Variants in ZFHX4 observed in about 807,000 individuals in gnomAD.
ZFHX4 encodes the protein zinc finger homeobox 4.
In ZFHX4, 56 loss-of-function variants were observed where a neutral mutation model predicts 267.6. The observed-to-expected ratio is 0.21, with a 90% CI of 0.17 to 0.26. The LOEUF (loss-of-function observed/expected upper bound fraction) is 0.26. Among genes scored for constraint, ZFHX4 ranks in the 10% least tolerant of loss-of-function variants. The probability of loss-of-function intolerance (pLI) is 1.00; values close to 1 mark genes in which losing one functional copy is unlikely to be tolerated. For missense variants in ZFHX4, 4,332 were observed against 4,420.0 expected (o/e 0.98, Z 0.56); for synonymous variants, 1,778 against 1,665.6 (o/e 1.07, Z -1.64).
chr8:76,729,742 T>C (rs940157802), intron 3 of ZFHX4, among the ~76,000 whole-genome samples: 9 of 152,154 alleles, frequency 5.9e-5, no homozygotes, highest in Non-Finnish European at 1.3e-4. Flanking sequence ...AACAGAAATA[T>C]TATAGATGTG....
At chr8:76,841,713 A>C (rs936508287) in intron 5 of ZFHX4, among the ~76,000 whole-genome samples, 2 of 152,186 alleles carry the variant, frequency 1.3e-5, no homozygotes, top group African/African-American at 4.8e-5. Flanking sequence ...TCCTACCTGA[A>C]CAGGGGAATA....
intron 3 of ZFHX4, among the ~76,000 whole-genome samples, chr8:76,757,282 G>T (rs188914270): frequency 6.6e-6 from 1 of 152,146 alleles, no homozygotes; most frequent in Non-Finnish European, 1.5e-5. Flanking sequence ...ATTAATATGG[G>T]ATGGAAATGG....
Position 76,704,490 on chromosome 8 carries a change from G to C in ZFHX4, c.402G>C (p.Gln134His). ...VENLTGEIVY[Q>H]PDGSAYIIED... ...ATCTAACAGGGGAGATCGTTTACCA[G>C]CCTGATGGGTCAGCATATATAATTG... The change falls in exon 2 of 11, where the codon CAG becomes CAC. Residue 134 changes from glutamine to histidine, a missense_variant. Gln to His is a conservative substitution (Grantham distance 24). Transcript: ENST00000651372. 1 of 1,613,984 alleles carries C rather than the reference G, an allele frequency of 6.2e-7. No homozygotes were observed. The highest frequency in any genetic ancestry group is 1.7e-5 in the Admixed American group (1 of 60,022).
At chr8:76,827,886 GA>G (rs1486242364) in intron 4 of ZFHX4, among the ~76,000 whole-genome samples, 1 of 152,204 alleles carries the variant, frequency 6.6e-6, no homozygotes, top group Non-Finnish European at 1.5e-5. Flanking sequence ...GCCCCATTCA[GA>G]TAATTGACAC....
chr8:76,847,708 A>G (rs2131929802), intron 6 of ZFHX4, among the ~76,000 whole-genome samples: 1 of 152,234 alleles, frequency 6.6e-6, no homozygotes, highest in Non-Finnish European at 1.5e-5. Context: ...TAAAACATGC[A>G]TCTCTATCCA....
At chr8:76,734,857 T>C (rs1809116467) in intron 3 of ZFHX4, among the ~76,000 whole-genome samples, 1 of 152,176 alleles carries the variant, frequency 6.6e-6, no homozygotes, top group Non-Finnish European at 1.5e-5. Flanking sequence ...CTGTAACATG[T>C]AATAAGAATA....
chr8:76,702,977 C>G (rs1041863215), intron 1 of ZFHX4, among the ~76,000 whole-genome samples: 5 of 152,008 alleles, frequency 3.3e-5, no homozygotes, highest in Non-Finnish European at 7.4e-5. Flanking sequence ...CACACACACA[C>G]ACACACACAC....
At chr8:76,783,059 G>A (rs765367404) in intron 4 of ZFHX4, among the ~76,000 whole-genome samples, 13 of 152,096 alleles carry the variant, frequency 8.5e-5, no homozygotes, top group Non-Finnish European at 1.3e-4. Flanking sequence ...TTTACCAGTA[G>A]GGTTGCCTGA....
chr8:76,706,256 A>C lies in ZFHX4; in HGVS notation c.2168A>C (p.His723Pro). The change falls in exon 2 of 11, where the codon CAC becomes CCC. Residue 723 changes from histidine to proline, a missense_variant. Coordinates refer to ENST00000651372, the MANE Select transcript of ZFHX4 (RefSeq NM_024721.5). The stretch of plus-strand genomic sequence containing the variant: ...AGTATTCATATGCAGTCGGACAAGC[A>C]CCTGAACAATGTTCAGAATCTCCAA... ...NLSIHMQSDK[H>P]LNNVQNLQNG... 1 of 1,614,060 alleles carries C rather than the reference A, an allele frequency of 6.2e-7. No individual in the cohort carries two copies. The highest frequency in any genetic ancestry group is 8.5e-7 in the Non-Finnish European group (1 of 1,179,994).
At chr8:76,764,231 T>A (rs895578855) in intron 3 of ZFHX4, among the ~76,000 whole-genome samples, 1 of 152,222 alleles carries the variant, frequency 6.6e-6, no homozygotes, top group African/African-American at 2.4e-5. Flanking sequence ...TTAATTTGTC[T>A]GGAGAGATGA....
intron 3 of ZFHX4, among the ~76,000 whole-genome samples, chr8:76,714,527 G>A (rs1183096956): frequency 6.6e-6 from 1 of 152,160 alleles, no homozygotes. Context: ...TGAAGGACAG[G>A]CATGGAGGCA....
intron 3 of ZFHX4, among the ~76,000 whole-genome samples, chr8:76,728,619 C>T (rs114973274): frequency 7.3e-4 from 111 of 152,156 alleles, no homozygotes; most frequent in African/African-American, 2.5e-3. Context: ...GTGGAAGAAC[C>T]GGCCTTTATC....
chr8:76,749,980 A>G (rs1389774052), intron 3 of ZFHX4, among the ~76,000 whole-genome samples: 1 of 152,180 alleles, frequency 6.6e-6, no homozygotes, highest in Non-Finnish European at 1.5e-5. Context: ...AAGCTTGATA[A>G]TTGCAGTTCA....
At position 76,866,074 on chromosome 8, in the gene ZFHX4, G is replaced by A. The variant is rs1395713785; in HGVS notation, c.*1509G>A. On this transcript the variant is annotated 3_prime_UTR_variant, in exon 11 of 11. Coordinates refer to ENST00000651372, the MANE Select transcript of ZFHX4 (RefSeq NM_024721.5). ...TGAAAGCTGTCAAAGGGTATTTTAC[G>A]AATCACTTTTGTGTTTGATATAGTA... 1.3e-5 allele frequency: 2 copies of A among 152,538 alleles called. No homozygotes were observed. Among genetic ancestry groups the A allele is most frequent in the East Asian group, 1.9e-4 (1 of 5,196 alleles). The allele number at this position is 152,538 out of a possible 1,614,324, so 9.4% of individuals were successfully genotyped here.
rs540517792 is a variant in ZFHX4, at chr8:76,864,307, C to T, written c.10593C>T (p.Phe3531=). Reference sequence around the variant, plus strand: ...TGAAGTCCTGGCCTAATATCCTTTTCCAAGCGTCTGCCAGGAGAGCTGCTT... The same window carrying T: ...TGAAGTCCTGGCCTAATATCCTTTTTCAAGCGTCTGCCAGGAGAGCTGCTT... The part of the protein sequence containing the change: ...FSMKSWPNIL[F]QASARRAASP... Residue 3531 remains phenylalanine (F), a synonymous_variant, in exon 11 of 11, where the codon TTC becomes TTT. Coordinates refer to ENST00000651372, the MANE Select transcript of ZFHX4 (RefSeq NM_024721.5). 1 of 1,613,852 alleles carries T rather than the reference C, an allele frequency of 6.2e-7. No homozygotes were observed. The highest frequency in any genetic ancestry group is 1.3e-5 in the African/African-American group (1 of 75,036).
rs975528265 is a variant in ZFHX4, at chr8:76,726,903, A to C, written c.3093+18855A>C. On this transcript the variant is annotated intron_variant, in intron 3 of 10. Transcript: ENST00000651372. ...TAAAGGCCCTGAGCAAATTTCACTC[A>C]ACAGCATTCACAGAACAGAAAAGAA... 2.0e-4 allele frequency among the ~76,000 whole-genome samples: 31 copies of C among 152,312 alleles called. 1 individual carries two copies. Among genetic ancestry groups the C allele is most frequent in the South Asian group, 4.1e-4 (2 of 4,830 alleles).
intron 3 of ZFHX4, among the ~76,000 whole-genome samples, chr8:76,742,952 C>T (rs781765791): frequency 7.3e-6 from 1 of 137,858 alleles, no homozygotes; most frequent in African/African-American, 3.3e-5. Flanking sequence ...ATTTGAAGCT[C>T]AGCTTGTGAG....
intron 4 of ZFHX4, among the ~76,000 whole-genome samples, chr8:76,778,927 A>G (rs1249948959): frequency 6.6e-6 from 1 of 152,182 alleles, no homozygotes; most frequent in Non-Finnish European, 1.5e-5. Context: ...AATAATTCCA[A>G]TGTTAATGCT....
intron 9 of ZFHX4, among the ~76,000 whole-genome samples, chr8:76,850,649 C>T (rs1812489831): frequency 6.6e-6 from 1 of 152,126 alleles, no homozygotes. Flanking sequence ...CTCTAATGAC[C>T]TTTGACTTGC....
Sources: allele counts gnomAD v4.1 joint callset (sites outside exome capture counted in the v4.1 genomes callset), GRCh38; gene constraint gnomAD v4.1.1; transcripts MANE v1.5; gene names NCBI Gene and HGNC (gene_info 2026-07-23, HGNC 2026-07-21).